The following SDHC variants were observed in gnomAD, a reference collection of about 807,000 sequenced individuals.
SDHC encodes the protein succinate dehydrogenase cytochrome b560 subunit, mitochondrial.
Under a neutral mutation model 22.6 loss-of-function variants are expected in SDHC, and 11 were observed. The ratio of observed to expected loss-of-function variants is 0.49; its 90% CI spans 0.31 to 0.81. The LOEUF (loss-of-function observed/expected upper bound fraction) is 0.81. Among genes scored for constraint, SDHC ranks in the 30% least tolerant of loss-of-function variants. The probability of loss-of-function intolerance (pLI) is 0.05; values close to 1 mark genes in which losing one functional copy is unlikely to be tolerated. For missense variants in SDHC, 160 were observed against 212.0 expected (o/e 0.75, Z 1.52); for synonymous variants, 80 against 77.8 (o/e 1.03, Z -0.15).
At chr1:161,317,548 T>TGTG (rs1196225856) in intron 1 of SDHC, among the ~76,000 whole-genome samples, 43 of 104,488 alleles carry the variant, frequency 4.1e-4, no homozygotes, top group African/African-American at 1.6e-3. Flanking sequence ...TGTGTGTGTG[T>TGTG]GGTTTTTTTT....
chr1:161,357,945 C>G (rs1331312154), intron 5 of SDHC, among the ~76,000 whole-genome samples: 1 of 150,766 alleles, frequency 6.6e-6, no homozygotes, highest in Admixed American at 6.6e-5. Flanking sequence ...TATTGCATTT[C>G]TGTTTTGAGA....
In SDHC at chr1:161,314,392, G is replaced by A; in HGVS notation, c.-14G>A. 5 of 1,614,078 alleles carry A rather than the reference G, an allele frequency of 3.1e-6. No homozygotes were observed. The highest frequency in any genetic ancestry group is 4.2e-6 in the Non-Finnish European group (5 of 1,180,016). On this transcript the variant is annotated 5_prime_UTR_variant, in exon 1 of 6. Transcript: ENST00000367975. ...GGCCGCCTGGCGTCACTTCCGTCCA[G>A]ACCGGAACCCAAGATGGCTGCGCTG...
chr1:161,341,722 C>G (rs1034362634), intron 4 of SDHC, among the ~76,000 whole-genome samples: 4 of 152,076 alleles, frequency 2.6e-5, no homozygotes, highest in Admixed American at 2.6e-4. Context: ...CTCTCCTACC[C>G]CCACCAAAAA....
At chr1:161,321,758 C>T (rs1355093727) in intron 1 of SDHC, among the ~76,000 whole-genome samples, 2 of 152,078 alleles carry the variant, frequency 1.3e-5, no homozygotes, top group African/African-American at 4.8e-5. Flanking sequence ...CATCTAATAT[C>T]AATGGTGTGA....
At chr1:161,357,652 G>T (rs758051432) in intron 5 of SDHC, among the ~76,000 whole-genome samples, 101 of 152,092 alleles carry the variant, frequency 6.6e-4, no homozygotes, top group Non-Finnish European at 3.2e-4. Context: ...ACCCCTCTCA[G>T]CTTCCCAAAG....
chr1:161,323,028 T>C (rs1670894628), intron 1 of SDHC, among the ~76,000 whole-genome samples: 3 of 152,090 alleles, frequency 2.0e-5, no homozygotes, highest in Non-Finnish European at 4.4e-5. Context: ...AGACAGAGTC[T>C]CGCTCTGTCA....
intron 4 of SDHC, among the ~76,000 whole-genome samples, chr1:161,356,263 G>A (rs556863102): frequency 1.3e-5 from 2 of 152,126 alleles, no homozygotes; most frequent in Non-Finnish European, 2.9e-5. Flanking sequence ...TCAAGGCCGG[G>A]TGCAGTGGCT....
chr1:161,353,555 C>T (rs370547278), intron 4 of SDHC, among the ~76,000 whole-genome samples: 1 of 152,132 alleles, frequency 6.6e-6, no homozygotes, highest in South Asian at 2.1e-4. Flanking sequence ...TCAGGTTTAC[C>T]TCAGTGTCTT....
At chr1:161,325,060 T>G (rs1333048340) in intron 2 of SDHC, among the ~76,000 whole-genome samples, 1 of 148,340 alleles carries the variant, frequency 6.7e-6, no homozygotes, top group Non-Finnish European at 1.5e-5. Context: ...AATAAAAAAT[T>G]AGCTGAGTGT....
At chr1:161,317,540 T>C (rs1358619434) in intron 1 of SDHC, among the ~76,000 whole-genome samples, 3 of 144,044 alleles carry the variant, frequency 2.1e-5, no homozygotes, top group Non-Finnish European at 4.5e-5. Flanking sequence ...TGTGTGTGTG[T>C]GTGTGTGTGG....
chr1:161,331,237 C>T (rs1193839485), intron 3 of SDHC, among the ~76,000 whole-genome samples: 1 of 151,838 alleles, frequency 6.6e-6, no homozygotes, highest in Non-Finnish European at 1.5e-5. Flanking sequence ...GTTACATGGC[C>T]ACGCCCTGAC....
At chr1:161,317,912 G>T (rs1057168977) in intron 1 of SDHC, among the ~76,000 whole-genome samples, 1 of 151,972 alleles carries the variant, frequency 6.6e-6, no homozygotes, top group African/African-American at 2.4e-5. Context: ...GGTGGCTCAT[G>T]CCTGTAATCC....
At chr1:161,345,570 C>G (rs961074693) in intron 4 of SDHC, among the ~76,000 whole-genome samples, 2 of 151,966 alleles carry the variant, frequency 1.3e-5, no homozygotes, top group Non-Finnish European at 1.5e-5. Context: ...CATTCTCCTG[C>G]CTCAGCCTCC....
At chr1:161,326,239 G>A (rs1000284347) in intron 2 of SDHC, among the ~76,000 whole-genome samples, 27 of 151,750 alleles carry the variant, frequency 1.8e-4, no homozygotes, top group African/African-American at 6.3e-4. Context: ...CGTCTGATAT[G>A]ACCTCATCAG....
rs537961966 is a variant in SDHC at position 161,329,527 on chromosome 1, T to C, written c.179+1030T>C. Among the ~76,000 whole-genome samples, 10 of 152,048 alleles carry C rather than the reference T, an allele frequency of 6.6e-5. No individual in the cohort carries two copies. In the South Asian group the frequency reaches 1.9e-3, roughly 28 times the overall value. On this transcript the variant is annotated intron_variant, in intron 3 of 5. Transcript: ENST00000367975. Reference sequence around the variant, plus strand: ...TTGTCTTTTAGTAAGAGATGAGGTTTTGCCATGTTGTCCAGGCTGGTCTCA... The same window carrying C: ...TTGTCTTTTAGTAAGAGATGAGGTTCTGCCATGTTGTCCAGGCTGGTCTCA...
At chr1:161,319,956 C>T (rs1042418710) in intron 1 of SDHC, among the ~76,000 whole-genome samples, 3 of 152,086 alleles carry the variant, frequency 2.0e-5, no homozygotes, top group Non-Finnish European at 4.4e-5. Flanking sequence ...GCGTTGTTTG[C>T]CCACAGTTTG....
chr1:161,355,984 CAA>C (rs60684612), intron 4 of SDHC, among the ~76,000 whole-genome samples: 9,408 of 88,234 alleles, frequency 0.11, 469 homozygotes, highest in East Asian at 0.31. Flanking sequence ...GACTCTGTCT[CAA>C]AAAAAAAAAA....
chr1:161,362,295 A>T (rs750578489), intron 5 of SDHC, 34 bp from the exon 6 acceptor site: 1 of 1,582,308 alleles, frequency 6.3e-7, no homozygotes, highest in South Asian at 1.1e-5. Flanking sequence ...CTATTTACTG[A>T]AATTCCTTTT....
At chr1:161,357,682 A>T (rs1229904689) in intron 5 of SDHC, among the ~76,000 whole-genome samples, 3 of 152,208 alleles carry the variant, frequency 2.0e-5, no homozygotes, top group Non-Finnish European at 2.9e-5. Context: ...TACAGACGTG[A>T]GCCACTGTGC....
Sources: allele counts gnomAD v4.1 joint callset (sites outside exome capture counted in the v4.1 genomes callset), GRCh38; gene constraint gnomAD v4.1.1; transcripts MANE v1.5; gene names NCBI Gene and HGNC (gene_info 2026-07-23, HGNC 2026-07-21).